Variants in SAXO5 observed in about 807,000 individuals in gnomAD.
SAXO5 encodes testis expressed 45.
At chr19:7,505,385 C>A in the SAXO5 span, 2 of 1,614,252 alleles carry the variant, frequency 1.2e-6, no homozygotes, top group South Asian at 1.1e-5. Flanking sequence ...TGGTGACGGC[C>A]TCTTCCGCGA....
At chr19:7,502,394 G>A in the SAXO5 span, among the ~76,000 whole-genome samples, 1 of 152,160 alleles carries the variant, frequency 6.6e-6, no homozygotes. Flanking sequence ...ATAGGCATGA[G>A]CCACTGAGCC....
chr19:7,508,126 G>A, the SAXO5 span: 1 of 1,234,606 alleles, frequency 8.1e-7, no homozygotes, highest in South Asian at 1.3e-5. Context: ...GACTCATCAG[G>A]CCTGGAGATC....
the SAXO5 span, chr19:7,506,616 G>A: frequency 2.8e-6 from 1 of 353,114 alleles, no homozygotes; most frequent in South Asian, 2.3e-5. Flanking sequence ...CCCCGCCCCT[G>A]ACCTTCTTAG....
At chr19:7,504,565 G>T in the SAXO5 span, among the ~76,000 whole-genome samples, 1 of 152,148 alleles carries the variant, frequency 6.6e-6, no homozygotes, top group Non-Finnish European at 1.5e-5. Flanking sequence ...AATTAGCCGG[G>T]TGTGGTGGTG....
chr19:7,503,635 C>A, the SAXO5 span, among the ~76,000 whole-genome samples: 21 of 152,154 alleles, frequency 1.4e-4, no homozygotes, highest in South Asian at 3.7e-3. Flanking sequence ...CAGGCACATG[C>A]CAACACACCC....
At chr19:7,507,253 C>A in the SAXO5 span, 2 of 919,158 alleles carry the variant, frequency 2.2e-6, no homozygotes, top group Non-Finnish European at 3.4e-6. Context: ...ATCACCCAGG[C>A]TCGGGGGCAT....
chr19:7,501,956 G>A, the SAXO5 span, among the ~76,000 whole-genome samples: 5 of 151,718 alleles, frequency 3.3e-5, no homozygotes, highest in African/African-American at 7.3e-5. Context: ...GGGGGGTGGC[G>A]AGGCCACCCG....
chr19:7,507,221 T>G, the SAXO5 span: 2 of 1,228,784 alleles, frequency 1.6e-6, no homozygotes, highest in Non-Finnish European at 2.4e-6. Flanking sequence ...GACTATGCTG[T>G]CACCCTGTCT....
chr19:7,498,709 A>G, the SAXO5 span, among the ~76,000 whole-genome samples: 3 of 151,852 alleles, frequency 2.0e-5, no homozygotes, highest in Non-Finnish European at 4.4e-5. Context: ...CATGTTTTCT[A>G]AATAGGTAGA....
At chr19:7,503,084 C>T in the SAXO5 span, among the ~76,000 whole-genome samples, 1 of 152,256 alleles carries the variant, frequency 6.6e-6, no homozygotes, top group South Asian at 2.1e-4. Flanking sequence ...AAGTTGCGGC[C>T]GGGTGCAATG....
the SAXO5 span, chr19:7,505,497 A>C: frequency 3.1e-6 from 5 of 1,613,732 alleles, no homozygotes; most frequent in Non-Finnish European, 4.2e-6. Flanking sequence ...GCAGCTCTGC[A>C]CCTGTTCCGC....
At chr19:7,505,664 C>T in the SAXO5 span, 24 of 1,579,706 alleles carry the variant, frequency 1.5e-5, no homozygotes, top group Non-Finnish European at 2.0e-5. Flanking sequence ...GGGAAAAGGG[C>T]TTCCCAGACA....
chr19:7,498,584 T>G, the SAXO5 span, among the ~76,000 whole-genome samples: 1 of 151,902 alleles, frequency 6.6e-6, no homozygotes, highest in African/African-American at 2.4e-5. Context: ...TTAGTAGAGA[T>G]GGGGTTTCTC....
chr19:7,504,934 G>T, the SAXO5 span, among the ~76,000 whole-genome samples: 1 of 151,080 alleles, frequency 6.6e-6, no homozygotes, highest in Non-Finnish European at 1.5e-5. Flanking sequence ...CTTTCTGGGG[G>T]TTGCAAGGCC....
At chr19:7,506,847 T>A in the SAXO5 span, 1 of 383,850 alleles carries the variant, frequency 2.6e-6, no homozygotes. Context: ...TCCCAGCTCC[T>A]CCCTCTTTCC....
chr19:7,502,658 T>C, the SAXO5 span, among the ~76,000 whole-genome samples: 2 of 152,102 alleles, frequency 1.3e-5, no homozygotes, highest in Non-Finnish European at 2.9e-5. Context: ...ACAAATCAGC[T>C]AAGTTCCCCA....
chr19:7,502,101 T>TTA, the SAXO5 span, among the ~76,000 whole-genome samples: 13 of 151,818 alleles, frequency 8.6e-5, no homozygotes, highest in South Asian at 2.1e-4. Flanking sequence ...TATTTTTTTA[T>TTA]TATATATATA....
chr19:7,498,295 C>A, the SAXO5 span, among the ~76,000 whole-genome samples: 1 of 151,956 alleles, frequency 6.6e-6, no homozygotes, highest in Admixed American at 6.6e-5. Context: ...ACTGCAACCT[C>A]TGCCACCCAG....
chr19:7,501,438 C>T, the SAXO5 span: 1 of 1,439,956 alleles, frequency 6.9e-7, no homozygotes, highest in Non-Finnish European at 9.0e-7. Context: ...ATTTGCTTCA[C>T]ATTGTGGTTC....
Sources: gnomAD v4.1 joint callset for allele counts (sites outside exome capture counted in the v4.1 genomes callset) on GRCh38, gnomAD v4.1.1 for gene constraint, MANE v1.5 for transcripts, NCBI Gene and HGNC (gene_info 2026-07-23, HGNC 2026-07-21) for gene names.